Variants in KLF8 observed in about 807,000 individuals in gnomAD.
KLF8 encodes KLF transcription factor 8.
In KLF8, 10 loss-of-function variants were observed where a neutral mutation model predicts 18.2. That is an observed-to-expected ratio of 0.55 (90% CI 0.34 to 0.93). The LOEUF (loss-of-function observed/expected upper bound fraction) is 0.93. Ranked by LOEUF, KLF8 falls within the 40% of genes least tolerant of loss-of-function variation. KLF8 has a pLI of 0.02. For missense variants in KLF8, 264 were observed against 277.9 expected, an observed-to-expected ratio of 0.95 and a Z score of 0.36; for synonymous variants, 109 against 97.3, an observed-to-expected ratio of 1.12 and a Z score of -0.71.
At chrX:56,188,318 G>A in the KLF8 span, among the ~76,000 whole-genome samples, 1 of 111,578 alleles carries the variant, frequency 9.0e-6, no homozygotes, top group Non-Finnish European at 1.9e-5. Flanking sequence ...TACAAGGGAT[G>A]TGAAGGACCT....
chrX:56,154,717 C>T, the KLF8 span, among the ~76,000 whole-genome samples: 1 of 111,543 alleles, frequency 9.0e-6, no homozygotes, highest in East Asian at 2.8e-4. Flanking sequence ...TGACAAAGGG[C>T]TAATATCCAG....
chrX:56,211,820 T>C, the KLF8 span, among the ~76,000 whole-genome samples: 1 of 110,964 alleles, frequency 9.0e-6, no homozygotes, highest in Admixed American at 9.6e-5. Flanking sequence ...TCTGTCTGTC[T>C]GTGGCCATGC....
chrX:56,202,056 C>T, the KLF8 span, among the ~76,000 whole-genome samples: 1 of 111,308 alleles, frequency 9.0e-6, no homozygotes, highest in East Asian at 2.8e-4. Context: ...TAAGACTTGA[C>T]TTGCAAGTAT....
At chrX:55,947,218 TA>T in the KLF8 span, among the ~76,000 whole-genome samples, 2 of 110,569 alleles carry the variant, frequency 1.8e-5, no homozygotes, top group Non-Finnish European at 3.8e-5. Context: ...TTCACAATAG[TA>T]AAGACTTGGA....
the KLF8 span, among the ~76,000 whole-genome samples, chrX:56,005,029 G>GATT: frequency 0.02 from 1,963 of 100,027 alleles, 68 homozygotes; most frequent in Admixed American, 0.11. Flanking sequence ...TATCCTTTAT[G>GATT]ATTATTATTA....
the KLF8 span, among the ~76,000 whole-genome samples, chrX:56,061,260 G>A: frequency 4.5e-5 from 5 of 111,594 alleles, no homozygotes; most frequent in African/African-American, 1.3e-4. Flanking sequence ...TGATGTTAGG[G>A]TGTCAATTTT....
At chrX:56,164,495 C>A in the KLF8 span, among the ~76,000 whole-genome samples, 1 of 91,512 alleles carries the variant, frequency 1.1e-5, no homozygotes, top group Non-Finnish European at 2.1e-5. Context: ...TTTAGTAAAT[C>A]AAATAGAGTA....
the KLF8 span, chrX:55,961,511 C>A: frequency 1.8e-6 from 1 of 547,773 alleles, no homozygotes; most frequent in Non-Finnish European, 3.4e-6. Flanking sequence ...GGGGGTCTGG[C>A]TGAATTTTGC....
At chrX:55,943,060 A>G in the KLF8 span, among the ~76,000 whole-genome samples, 3 of 40,556 alleles carry the variant, frequency 7.4e-5, no homozygotes, top group African/African-American at 3.5e-4. Flanking sequence ...AGTAGAGTTG[A>G]CCAGACTTAA....
the KLF8 span, among the ~76,000 whole-genome samples, chrX:55,923,644 G>A: frequency 2.7e-5 from 3 of 110,759 alleles, no homozygotes; most frequent in East Asian, 8.5e-4. Flanking sequence ...GTTACCGAGG[G>A]TTAATACTTC....
chrX:56,105,942 G>T, the KLF8 span, among the ~76,000 whole-genome samples: 1 of 111,363 alleles, frequency 9.0e-6, no homozygotes, highest in Admixed American at 9.6e-5. Flanking sequence ...GCATTTGCTT[G>T]TCTGTAAAGG....
chrX:56,076,116 T>C, the KLF8 span, among the ~76,000 whole-genome samples: 1 of 109,220 alleles, frequency 9.2e-6, no homozygotes, highest in Admixed American at 9.7e-5. Context: ...ATTTCATCCA[T>C]GTCCCTACAA....
At chrX:56,248,170 G>C (rs1417484094) in intron 1 of KLF8, among the ~76,000 whole-genome samples, 1 of 110,552 alleles carries the variant, frequency 9.0e-6, no homozygotes, top group Non-Finnish European at 1.9e-5. Context: ...GGGGTGGGGG[G>C]AGAGCGGAGG....
the KLF8 span, among the ~76,000 whole-genome samples, chrX:56,148,449 A>G: frequency 2.7e-5 from 3 of 111,251 alleles, no homozygotes; most frequent in East Asian, 8.5e-4. Context: ...TTTAAAAAAA[A>G]AAATAGAGAA....
the KLF8 span, among the ~76,000 whole-genome samples, chrX:55,994,379 C>T: frequency 2.8e-5 from 3 of 108,832 alleles, no homozygotes; most frequent in African/African-American, 6.7e-5. Context: ...AACAACTTTT[C>T]ATTTTGTTGA....
intron 5 of KLF8, among the ~76,000 whole-genome samples, chrX:56,276,959 A>G (rs989416477): frequency 9.0e-6 from 1 of 111,251 alleles, no homozygotes; most frequent in Non-Finnish European, 1.9e-5. Context: ...TCTCCTCTCT[A>G]TGCATTTTCA....
At chrX:56,069,756 C>T in the KLF8 span, among the ~76,000 whole-genome samples, 1 of 112,176 alleles carries the variant, frequency 8.9e-6, no homozygotes, top group African/African-American at 3.2e-5. Context: ...CGGCTTCCTG[C>T]CCAGCAGTCT....
chrX:56,220,694 G>A, the KLF8 span, among the ~76,000 whole-genome samples: 4 of 110,745 alleles, frequency 3.6e-5, no homozygotes, highest in Non-Finnish European at 7.6e-5. Context: ...CACCATGTTG[G>A]CCAGGCTGAT....
the KLF8 span, among the ~76,000 whole-genome samples, chrX:55,946,217 G>A: frequency 1.8e-5 from 2 of 111,630 alleles, no homozygotes; most frequent in Non-Finnish European, 1.9e-5. Flanking sequence ...GAAGCATCAT[G>A]CTACCTGACT....
Sources: gnomAD v4.1 joint callset for allele counts (sites outside exome capture counted in the v4.1 genomes callset) on GRCh38, gnomAD v4.1.1 for gene constraint, MANE v1.5 for transcripts, NCBI Gene and HGNC (gene_info 2026-07-23, HGNC 2026-07-21) for gene names.